The following PRKD1 variants were observed in gnomAD, a reference collection of about 807,000 sequenced individuals.
PRKD1 encodes the protein serine/threonine-protein kinase D1.
In PRKD1, 63 loss-of-function variants were observed where a neutral mutation model predicts 95.9. The observed-to-expected ratio is 0.66, with a 90% CI of 0.54 to 0.81. The LOEUF (loss-of-function observed/expected upper bound fraction) is 0.81, where lower values mean the gene tolerates loss of function less well. Ranked by LOEUF, PRKD1 falls within the 30% of genes least tolerant of loss-of-function variation. The pLI is 0.00. For missense variants in PRKD1, 1,048 were observed against 1,165.3 expected, an observed-to-expected ratio of 0.90 and a Z score of 1.47; for synonymous variants, 425 against 423.1, an observed-to-expected ratio of 1.00 and a Z score of -0.05.
intron 2 of PRKD1, among the ~76,000 whole-genome samples, chr14:29,705,244 A>G (rs1267505816): frequency 1.3e-5 from 2 of 152,088 alleles, no homozygotes; most frequent in Non-Finnish European, 2.9e-5. Context: ...TTATCCTTAT[A>G]TTCCACAGAA....
intron 1 of PRKD1, among the ~76,000 whole-genome samples, chr14:29,872,222 T>C (rs1486832503): frequency 1.3e-5 from 2 of 152,218 alleles, no homozygotes; most frequent in Admixed American, 6.5e-5. Flanking sequence ...ATTCAAGCTA[T>C]TCACGCAATT....
chr14:29,842,276 G>C (rs1891884179), intron 1 of PRKD1, among the ~76,000 whole-genome samples: 1 of 152,170 alleles, frequency 6.6e-6, no homozygotes, highest in Admixed American at 6.5e-5. Flanking sequence ...CAATATACTA[G>C]TTTATTATCA....
chr14:29,646,869 C>A (rs566750030), intron 4 of PRKD1, among the ~76,000 whole-genome samples: 145 of 151,694 alleles, frequency 9.6e-4, no homozygotes, highest in Non-Finnish European at 5.9e-4. Context: ...AATATGAAAA[C>A]CCTTGAGAAA....
At chr14:29,885,805 A>T (rs945427169) in intron 1 of PRKD1, among the ~76,000 whole-genome samples, 9 of 81,552 alleles carry the variant, frequency 1.1e-4, no homozygotes, top group Non-Finnish European at 2.3e-5. Flanking sequence ...CATCTTTACT[A>T]AAAAAAAAAA....
chr14:29,850,192 C>A (rs930723814), intron 1 of PRKD1, among the ~76,000 whole-genome samples: 3 of 151,848 alleles, frequency 2.0e-5, no homozygotes, highest in African/African-American at 7.3e-5. Flanking sequence ...TACTGGAAGT[C>A]CTAGTCAGAC....
chr14:29,902,730 CCAAT>C (rs1594615454), intron 1 of PRKD1, among the ~76,000 whole-genome samples: 1 of 151,986 alleles, frequency 6.6e-6, no homozygotes, highest in African/African-American at 2.4e-5. Flanking sequence ...ACCTGGCTTT[CCAAT>C]CATTTTTATA....
chr14:29,916,274 T>C (rs1894883848), intron 1 of PRKD1, among the ~76,000 whole-genome samples: 1 of 152,192 alleles, frequency 6.6e-6, no homozygotes, highest in African/African-American at 2.4e-5. Flanking sequence ...ACTACTCCGC[T>C]TGTAAAAAGC....
rs1464920413 is a variant in PRKD1 at position 29,927,701 on chromosome 14, G to A, written c.-189C>T. 7.0e-5 allele frequency: 16 copies of A among 229,246 alleles called. No individual in the cohort carries two copies. The highest frequency in any genetic ancestry group is 2.4e-4 in the Admixed American group (4 of 17,004). 14.2% of individuals were successfully genotyped at this position (229,246 alleles called of 1,614,324 possible). A position where few individuals can be genotyped will look rare whatever the true frequency, so the allele number is the denominator to read the frequency against. On this transcript the variant is annotated 5_prime_UTR_variant, in exon 1 of 18. Transcript: ENST00000331968. ...AGGATCGGGAGGGGAGGGGACTAAG[G>A]GGAGGAGATGGGGAGGAGGGAAAAT... is the stretch of plus-strand genomic sequence containing the variant.
chr14:29,835,666 G>A (rs1891585116), intron 1 of PRKD1, among the ~76,000 whole-genome samples: 1 of 152,150 alleles, frequency 6.6e-6, no homozygotes, highest in Admixed American at 6.5e-5. Flanking sequence ...TGCCTCCTGG[G>A]TTCAAGCGAT....
intron 1 of PRKD1, among the ~76,000 whole-genome samples, chr14:29,767,794 A>G (rs1013668694): frequency 2.0e-5 from 3 of 152,180 alleles, no homozygotes; most frequent in Non-Finnish European, 2.9e-5. Context: ...TTTTAAAGTG[A>G]CTGATTTCAC....
At chr14:29,906,975 C>A (rs1894517396) in intron 1 of PRKD1, among the ~76,000 whole-genome samples, 2 of 152,188 alleles carry the variant, frequency 1.3e-5, no homozygotes, top group South Asian at 4.1e-4. Flanking sequence ...TTAAAATCTA[C>A]AGGTAAATTA....
At chr14:29,787,518 G>A (rs1889330656) in intron 1 of PRKD1, among the ~76,000 whole-genome samples, 1 of 151,990 alleles carries the variant, frequency 6.6e-6, no homozygotes, top group African/African-American at 2.4e-5. Context: ...CCAGTGCTGA[G>A]TGCATTTATA....
At chr14:29,672,344 A>G (rs925697236) in intron 2 of PRKD1, among the ~76,000 whole-genome samples, 3 of 151,394 alleles carry the variant, frequency 2.0e-5, no homozygotes, top group Non-Finnish European at 4.4e-5. Context: ...CTGTCTCAAA[A>G]AAAAAATAAA....
At chr14:29,763,418 A>G (rs1888107367) in intron 1 of PRKD1, among the ~76,000 whole-genome samples, 2 of 78,824 alleles carry the variant, frequency 2.5e-5, no homozygotes, top group Non-Finnish European at 4.7e-5. Context: ...GGGAGAAGGG[A>G]GGGGAAGGGA....
chr14:29,577,263 A>T lies in PRKD1; in HGVS notation c.2714T>A (p.Leu905His), dbSNP rs1892587358. The part of the protein sequence containing the change: ...PETEETEMKA[L>H]GERVSIL Reference sequence around the variant, plus strand: ...TCAGAGGATGCTGACACGCTCACCGAGGGCTTTCATTTCTGTTTCTTCAGT... The same window carrying T: ...TCAGAGGATGCTGACACGCTCACCGTGGGCTTTCATTTCTGTTTCTTCAGT... Residue 905 changes from leucine to histidine, a missense_variant, in exon 18 of 18, where the codon CTC becomes CAC. By Grantham distance (99) the Leu-to-His change is moderately conservative. This residue lies in a region of PRKD1 where 739 missense variants were observed against 861.9 expected (regional missense o/e 0.86). Transcript: ENST00000331968. 1 of 1,613,324 alleles carries T rather than the reference A, an allele frequency of 6.2e-7. No individual in the cohort carries two copies. The highest frequency in any genetic ancestry group is 8.5e-7 in the Non-Finnish European group (1 of 1,179,678).
At chr14:29,902,739 T>A (rs901135589) in intron 1 of PRKD1, among the ~76,000 whole-genome samples, 2 of 152,210 alleles carry the variant, frequency 1.3e-5, no homozygotes, top group Non-Finnish European at 2.9e-5. Flanking sequence ...TCCAATCATT[T>A]TTATATTAGT....
rs375245435 is a variant in PRKD1 at position 29,892,618 on chromosome 14, T to G, written c.264+34631A>C. ...CATACTAACTTGTGGAGAAGGTAGA[T>G]GATCAAGGCTGAGGCATCTTTTCAG... On this transcript the variant is annotated intron_variant, in intron 1 of 17. Coordinates refer to ENST00000331968, the MANE Select transcript of PRKD1 (RefSeq NM_002742.3). Among the ~76,000 whole-genome samples the G allele has an allele frequency of 9.4e-4, 143 of 152,290 alleles. 3 individuals are homozygous for G. Among genetic ancestry groups the G allele is most frequent in the African/African-American group, 3.3e-3 (138 of 41,580 alleles).
At chr14:29,820,577 G>GAAGTCAACC (rs1312688396) in intron 1 of PRKD1, among the ~76,000 whole-genome samples, 1 of 152,156 alleles carries the variant, frequency 6.6e-6, no homozygotes, top group Non-Finnish European at 1.5e-5. Context: ...AGAATGGCAG[G>GAAGTCAACC]AAGTCAACCA....
chr14:29,830,070 T>A (rs1213028924), intron 1 of PRKD1, among the ~76,000 whole-genome samples: 1 of 152,184 alleles, frequency 6.6e-6, no homozygotes, highest in Non-Finnish European at 1.5e-5. Context: ...TAACATTTGT[T>A]CTGAATTCAA....
Sources: gnomAD v4.1 joint callset for allele counts (sites outside exome capture counted in the v4.1 genomes callset) on GRCh38, gnomAD v4.1.1 for gene constraint, gnomAD v4.1.1 regional missense constraint, MANE v1.5 for transcripts, NCBI Gene and HGNC (gene_info 2026-07-23, HGNC 2026-07-21) for gene names.